Variants in EPHA6 observed in about 807,000 individuals in gnomAD.
The protein encoded by EPHA6 is ephrin type-A receptor 6.
EPHA6 carries 50 observed loss-of-function variants against 112.0 expected under a neutral mutation model. The observed-to-expected ratio is 0.45, with a 90% CI of 0.36 to 0.56. EPHA6 has a LOEUF of 0.56. Among genes scored for constraint, EPHA6 ranks in the 20% least tolerant of loss-of-function variants. The pLI, the probability that EPHA6 is intolerant of heterozygous loss-of-function variation, is 0.00. For synonymous variants in EPHA6, 529 were observed against 490.7 expected (o/e 1.08, Z -1.03); for missense variants, 1,280 against 1,417.4 (o/e 0.90, Z 1.56).
chr3:97,517,443 G>T (rs1385258164), intron 10 of EPHA6, among the ~76,000 whole-genome samples: 2 of 150,746 alleles, frequency 1.3e-5, no homozygotes, highest in East Asian at 1.9e-4. Flanking sequence ...AGACGTCTGG[G>T]TTTTTTTTTC....
At chr3:96,926,666 A>G (rs1009261232) in intron 2 of EPHA6, among the ~76,000 whole-genome samples, 1 of 152,260 alleles carries the variant, frequency 6.6e-6, no homozygotes, top group Non-Finnish European at 1.5e-5. Context: ...TGCAAGTCCA[A>G]ACATTAGCAT....
intron 3 of EPHA6, among the ~76,000 whole-genome samples, chr3:97,040,320 T>G (rs1352930806): frequency 6.6e-6 from 1 of 151,970 alleles, no homozygotes; most frequent in African/African-American, 2.4e-5. Context: ...AGAGTTAGTA[T>G]TATAAAATGG....
At chr3:97,100,716 T>C (rs922145567) in intron 3 of EPHA6, among the ~76,000 whole-genome samples, 4 of 152,002 alleles carry the variant, frequency 2.6e-5, no homozygotes, top group African/African-American at 9.7e-5. Context: ...TTGAAATACA[T>C]TTCAGTTACT....
At chr3:97,319,351 T>C (rs1009649808) in intron 5 of EPHA6, among the ~76,000 whole-genome samples, 1 of 151,744 alleles carries the variant, frequency 6.6e-6, no homozygotes, top group Admixed American at 6.6e-5. Context: ...TCAAAAATTG[T>C]GTATACTACC....
At chr3:97,231,380 G>A (rs1435774200) in intron 4 of EPHA6, among the ~76,000 whole-genome samples, 1 of 152,122 alleles carries the variant, frequency 6.6e-6, no homozygotes, top group Non-Finnish European at 1.5e-5. Context: ...TTCTCAGAGC[G>A]AATCTTGGTG....
chr3:97,200,595 C>T (rs558042721), intron 3 of EPHA6, among the ~76,000 whole-genome samples: 2 of 152,208 alleles, frequency 1.3e-5, no homozygotes, highest in East Asian at 3.9e-4. Context: ...GCATTTTTAC[C>T]TGTACCGCTT....
intron 3 of EPHA6, among the ~76,000 whole-genome samples, chr3:97,221,435 T>C (rs1480183476): frequency 6.6e-6 from 1 of 152,016 alleles, no homozygotes; most frequent in African/African-American, 2.4e-5. Flanking sequence ...TACATGATTC[T>C]GTAGAATATA....
Position 97,551,324 on chromosome 3 carries a change from C to T in EPHA6, c.2386+18781C>T, listed in dbSNP as rs554729548. The stretch of plus-strand genomic sequence containing the variant: ...TGGGCCTGAGAAGTAAAAGTAGGCA[C>T]ACCTTAGTCCACTTGTGATTGAGAT... On this transcript the variant is annotated intron_variant, in intron 11 of 17. Coordinates refer to ENST00000389672, the MANE Select transcript of EPHA6 (RefSeq NM_001080448.3). 1.8e-4 allele frequency among the ~76,000 whole-genome samples: 28 copies of T among 152,236 alleles called. No individual in the cohort carries two copies. The South Asian group carries it at 5.8e-3, about 32-fold the overall frequency.
chr3:97,554,568 A>G (rs1452914675), intron 11 of EPHA6, among the ~76,000 whole-genome samples: 8 of 152,026 alleles, frequency 5.3e-5, no homozygotes, highest in Non-Finnish European at 1.0e-4. Context: ...GTCCATAATC[A>G]GGGGGTGGCC....
In EPHA6 at chr3:97,665,488, T is replaced by C. The variant is rs541958451; in HGVS notation, c.2784+27406T>C. Among the ~76,000 whole-genome samples the C allele has an allele frequency of 2.6e-5, 4 of 152,304 alleles. No individual in the cohort carries two copies. The East Asian group carries it at 7.7e-4, about 29-fold the overall frequency. On this transcript the variant is annotated intron_variant, in intron 14 of 17. Transcript: ENST00000389672. The stretch of plus-strand genomic sequence containing the variant: ...GATTGATAAGGCAACAACAACATGC[T>C]TGTCACTAAAAGTTCAGACATGTTA...
At chr3:97,181,232 G>T (rs976161868) in intron 3 of EPHA6, among the ~76,000 whole-genome samples, 13 of 152,102 alleles carry the variant, frequency 8.5e-5, no homozygotes, top group African/African-American at 2.7e-4. Flanking sequence ...CCATATTGCT[G>T]CTGCACAGGG....
chr3:97,704,744 GACTA>G (rs1196948608), intron 14 of EPHA6, among the ~76,000 whole-genome samples: 2 of 152,042 alleles, frequency 1.3e-5, no homozygotes, highest in Non-Finnish European at 2.9e-5. Flanking sequence ...ATTTTTACAT[GACTA>G]ACTTTGACTC....
intron 5 of EPHA6, among the ~76,000 whole-genome samples, chr3:97,396,283 G>A (rs747643791): frequency 2.0e-5 from 3 of 149,096 alleles, no homozygotes; most frequent in East Asian, 2.0e-4. Context: ...CAATGAGCAC[G>A]TGCACACGCA....
intron 1 of EPHA6, among the ~76,000 whole-genome samples, chr3:96,844,529 T>C (rs2034954083): frequency 6.6e-6 from 1 of 152,078 alleles, no homozygotes; most frequent in South Asian, 2.1e-4. Flanking sequence ...TTTTGTCTTA[T>C]AGAGATGTTA....
chr3:97,226,821 A>C (rs6798620), intron 4 of EPHA6, among the ~76,000 whole-genome samples: 7,899 of 152,266 alleles, frequency 0.052, 702 homozygotes, highest in African/African-American at 0.18. Flanking sequence ...CGCGTGAGGG[A>C]GATTCCAGAG....
intron 5 of EPHA6, among the ~76,000 whole-genome samples, chr3:97,272,497 G>T (rs2079920582): frequency 6.6e-6 from 1 of 152,138 alleles, no homozygotes; most frequent in African/African-American, 2.4e-5. Context: ...CACCAAACAG[G>T]CTTTGTGTGA....
intron 14 of EPHA6, among the ~76,000 whole-genome samples, chr3:97,657,134 T>C (rs1317095863): frequency 1.3e-5 from 2 of 151,916 alleles, no homozygotes; most frequent in African/African-American, 2.4e-5. Flanking sequence ...CAAATGTTTG[T>C]TTTTCCTGTA....
chr3:97,195,784 T>A (rs2077425856), intron 3 of EPHA6, among the ~76,000 whole-genome samples: 1 of 152,102 alleles, frequency 6.6e-6, no homozygotes, highest in East Asian at 1.9e-4. Context: ...AAGTTTTTTC[T>A]TTAGCACTTT....
At chr3:97,683,889 C>A (rs1303570115) in intron 14 of EPHA6, among the ~76,000 whole-genome samples, 1 of 152,158 alleles carries the variant, frequency 6.6e-6, no homozygotes, top group Non-Finnish European at 1.5e-5. Context: ...CAGCTGACTT[C>A]TCATGCTGCA....
Sources: gnomAD v4.1 joint callset for allele counts (sites outside exome capture counted in the v4.1 genomes callset) on GRCh38, gnomAD v4.1.1 for gene constraint, MANE v1.5 for transcripts, NCBI Gene and HGNC (gene_info 2026-07-23, HGNC 2026-07-21) for gene names.